Variants in LGSN observed in about 807,000 individuals in gnomAD.
LGSN encodes the protein lengsin, lens protein with glutamine synthetase domain.
A neutral mutation model predicts 19.5 loss-of-function variants in LGSN; 21 were observed. The observed-to-expected ratio is 1.07, with a 90% CI of 0.76 to 1.55. The LOEUF is 1.55. Among genes scored for constraint, LGSN ranks in the 40% most tolerant of loss-of-function variants. LGSN has a pLI of 0.00. For synonymous variants in LGSN, 257 were observed against 215.6 expected (o/e 1.19, Z -1.68); for missense variants, 673 against 608.5 (o/e 1.11, Z -1.12).
chr6:63,538,447 A>C, the LGSN span, among the ~76,000 whole-genome samples: 4 of 152,248 alleles, frequency 2.6e-5, no homozygotes, highest in African/African-American at 7.2e-5. Context: ...GTTTTAAAAC[A>C]TAATAAAAAT....
chr6:63,464,541 A>G, the LGSN span, among the ~76,000 whole-genome samples: 1 of 150,148 alleles, frequency 6.7e-6, no homozygotes, highest in Non-Finnish European at 1.5e-5. Context: ...AAATATATAT[A>G]TATATATGTA....
At chr6:63,503,734 G>C in the LGSN span, among the ~76,000 whole-genome samples, 1 of 152,102 alleles carries the variant, frequency 6.6e-6, no homozygotes, top group Admixed American at 6.6e-5. Flanking sequence ...GGGCAACATG[G>C]TGAAACCCCG....
chr6:63,459,033 T>C, the LGSN span, among the ~76,000 whole-genome samples: 1 of 152,230 alleles, frequency 6.6e-6, no homozygotes, highest in African/African-American at 2.4e-5. Context: ...CAGACTAAGA[T>C]GCTTATGACT....
At chr6:63,347,142 G>A in the LGSN span, among the ~76,000 whole-genome samples, 1 of 152,212 alleles carries the variant, frequency 6.6e-6, no homozygotes, top group African/African-American at 2.4e-5. Flanking sequence ...TTAGTATGTG[G>A]GGAAAAATAA....
At chr6:63,499,499 T>G in the LGSN span, among the ~76,000 whole-genome samples, 254 of 152,222 alleles carry the variant, frequency 1.7e-3, 2 homozygotes, top group South Asian at 9.5e-3. Context: ...AGTTTTTCAA[T>G]CCCTTTTATT....
At chr6:63,330,611 A>T in the LGSN span, among the ~76,000 whole-genome samples, 1,260 of 152,318 alleles carry the variant, frequency 8.3e-3, 13 homozygotes, top group Middle Eastern at 0.024. Flanking sequence ...GTTATGGTGG[A>T]CATCATTGAA....
the LGSN span, among the ~76,000 whole-genome samples, chr6:63,333,079 T>C: frequency 6.6e-6 from 1 of 151,822 alleles, no homozygotes; most frequent in Non-Finnish European, 1.5e-5. Flanking sequence ...GCAAGATTTA[T>C]TGCAAAAAGT....
the LGSN span, among the ~76,000 whole-genome samples, chr6:63,376,238 CT>C: frequency 6.6e-6 from 1 of 152,114 alleles, no homozygotes; most frequent in South Asian, 2.1e-4. Context: ...CTTTCTATTT[CT>C]TTTTTACTTA....
chr6:63,294,909 A>T lies in LGSN; in HGVS notation c.163+4T>A, dbSNP rs1037212152. 6.2e-7 allele frequency: 1 copy of T among 1,613,828 alleles called. No homozygotes were observed. Among genetic ancestry groups the T allele is most frequent in the Non-Finnish European group, 8.5e-7 (1 of 1,179,828 alleles). On this transcript the variant is annotated splice_donor_region_variant and intron_variant, in intron 2 of 3. Coordinates refer to ENST00000370657, the MANE Select transcript of LGSN (RefSeq NM_016571.3). ...ATTTTTGAGGACTCAGAGTAGTTAG[A>T]TACCATTTGAATTGGACATATCCGT... is the stretch of plus-strand genomic sequence containing the variant.
chr6:63,363,816 C>T, the LGSN span, among the ~76,000 whole-genome samples: 5 of 152,278 alleles, frequency 3.3e-5, 1 homozygote, highest in South Asian at 1.0e-3. Context: ...CCTAGCAAAG[C>T]AGGCCAAATT....
At chr6:63,364,679 G>T in the LGSN span, among the ~76,000 whole-genome samples, 1 of 152,070 alleles carries the variant, frequency 6.6e-6, no homozygotes, top group Non-Finnish European at 1.5e-5. Flanking sequence ...TGGCCGCATA[G>T]TTGGAAGTAA....
At chr6:63,327,667 C>T in the LGSN span, among the ~76,000 whole-genome samples, 1 of 152,106 alleles carries the variant, frequency 6.6e-6, no homozygotes, top group Non-Finnish European at 1.5e-5. Flanking sequence ...GTAGGATATG[C>T]CTTGGCTGGG....
At chr6:63,500,354 CTGGGGT>C in the LGSN span, among the ~76,000 whole-genome samples, 17 of 152,186 alleles carry the variant, frequency 1.1e-4, no homozygotes, top group Non-Finnish European at 2.1e-4. Context: ...AAGTGGACAG[CTGGGGT>C]GAGAATCCTT....
the LGSN span, among the ~76,000 whole-genome samples, chr6:63,491,265 C>T: frequency 6.6e-6 from 1 of 152,164 alleles, no homozygotes; most frequent in African/African-American, 2.4e-5. Context: ...AGTCAGTGTG[C>T]TCCCTGCCCT....
the LGSN span, among the ~76,000 whole-genome samples, chr6:63,489,066 A>G: frequency 6.6e-6 from 1 of 152,176 alleles, no homozygotes. Context: ...TTTGCTAAGG[A>G]TCATGATAAA....
chr6:63,280,589 A>C lies in LGSN; in HGVS notation c.962T>G (p.Val321Gly), dbSNP rs751752607. Reference sequence around the variant, plus strand: ...GCAGAACATGTTTTTCTTCCTATCGACATCCCAGAGACTATGAGACAAAAT... The same window carrying C: ...GCAGAACATGTTTTTCTTCCTATCGCCATCCCAGAGACTATGAGACAAAAT... Reference protein sequence around the residue: ...SGILSHSLWDVDRKKNMFCST... With the variant: ...SGILSHSLWDGDRKKNMFCST... The change falls in exon 4 of 4, where the codon GTC (valine) becomes GGC (glycine). Residue 321 changes from valine (V) to glycine (G), a missense_variant. Physicochemically the swap from Val to Gly is moderately radical, Grantham distance 109. Coordinates refer to ENST00000370657, the MANE Select transcript of LGSN (RefSeq NM_016571.3). 6 of 1,614,074 alleles carry C rather than the reference A, an allele frequency of 3.7e-6. No homozygotes were observed. Among genetic ancestry groups the C allele is most frequent in the Non-Finnish European group, 5.1e-6 (6 of 1,180,028 alleles).
the LGSN span, among the ~76,000 whole-genome samples, chr6:63,412,704 A>G: frequency 1.9e-4 from 24 of 126,774 alleles, no homozygotes; most frequent in African/African-American, 6.6e-4. Context: ...AGAAAGAAAG[A>G]AAGAGGGAAG....
chr6:63,509,907 A>G, the LGSN span, among the ~76,000 whole-genome samples: 4 of 152,206 alleles, frequency 2.6e-5, no homozygotes, highest in African/African-American at 9.6e-5. Context: ...AGTGCCTTGT[A>G]TGGAGGTAGA....
the LGSN span, among the ~76,000 whole-genome samples, chr6:63,444,135 A>G: frequency 6.6e-5 from 10 of 152,252 alleles, no homozygotes; most frequent in East Asian, 1.9e-3. Flanking sequence ...TCGAGTCTTT[A>G]TTATGCACCA....
Sources: gnomAD v4.1 joint callset for allele counts (sites outside exome capture counted in the v4.1 genomes callset) on GRCh38, gnomAD v4.1.1 for gene constraint, MANE v1.5 for transcripts, NCBI Gene and HGNC (gene_info 2026-07-23, HGNC 2026-07-21) for gene names.